Variants in FCHO2 observed in about 807,000 individuals in gnomAD.
The protein encoded by FCHO2 is FCH and mu domain containing endocytic adaptor 2, also known as F-BAR domain only protein 2.
FCHO2 carries 43 observed loss-of-function variants against 114.1 expected under a neutral mutation model. The ratio of observed to expected loss-of-function variants is 0.38; its 90% confidence interval spans 0.30 to 0.49. The LOEUF is 0.49. Among genes scored for constraint, FCHO2 ranks in the 20% least tolerant of loss-of-function variants. The pLI is 0.97. For missense variants in FCHO2, 807 were observed against 950.4 expected (o/e 0.85, Z 1.98); for synonymous variants, 293 against 315.2 (o/e 0.93, Z 0.75).
intron 11 of FCHO2, among the ~76,000 whole-genome samples, chr5:73,045,971 A>G (rs1757032882): frequency 6.6e-6 from 1 of 152,052 alleles, no homozygotes; most frequent in African/African-American, 2.4e-5. Flanking sequence ...TTGTGACTTT[A>G]TAGAGTTTTT....
chr5:73,072,226 A>T (rs62362208), intron 19 of FCHO2, among the ~76,000 whole-genome samples: 17,885 of 152,042 alleles, frequency 0.12, 1,266 homozygotes, highest in Non-Finnish European at 0.17. Flanking sequence ...TTAAGAGAGT[A>T]TAATTTTAAT....
intron 11 of FCHO2, among the ~76,000 whole-genome samples, chr5:73,049,180 T>C (rs890915075): frequency 2.0e-5 from 3 of 152,186 alleles, no homozygotes; most frequent in Non-Finnish European, 2.9e-5. Flanking sequence ...CCGGCCTGAA[T>C]TTGCTATCTT....
Position 72,994,571 on chromosome 5 carries a change from T to C in FCHO2, c.495+3707T>C, listed in dbSNP as rs1753977637. Among the ~76,000 whole-genome samples, 4 of 152,306 alleles carry C rather than the reference T, an allele frequency of 2.6e-5. 1 individual carries two copies. In the South Asian group the frequency reaches 6.2e-4, roughly 24 times the overall value. Reference sequence around the variant, plus strand: ...TTCAGCCATTGTGGAAAGCAGTGTGTGGCGATTCTTCAAAGAGCTAAAAAC... The same window carrying C: ...TTCAGCCATTGTGGAAAGCAGTGTGCGGCGATTCTTCAAAGAGCTAAAAAC... On this transcript the variant is annotated intron_variant, in intron 5 of 25. Coordinates refer to ENST00000430046, the MANE Select transcript of FCHO2 (RefSeq NM_138782.3).
intron 20 of FCHO2, among the ~76,000 whole-genome samples, chr5:73,076,176 G>A (rs1443672194): frequency 6.6e-6 from 1 of 152,126 alleles, no homozygotes; most frequent in African/African-American, 2.4e-5. Context: ...TGTATCTGAT[G>A]CTGCTTGACA....
intron 11 of FCHO2, among the ~76,000 whole-genome samples, chr5:73,048,612 C>G (rs1468975430): frequency 6.6e-6 from 1 of 152,110 alleles, no homozygotes; most frequent in Non-Finnish European, 1.5e-5. Flanking sequence ...CTAATAATTA[C>G]AGGTTATAAA....
chr5:73,020,910 A>T, intron 8 of FCHO2: 1 of 1,323,918 alleles, frequency 7.6e-7, no homozygotes, highest in Middle Eastern at 2.4e-4. Context: ...TATCATCTTT[A>T]TCGAAATCAT....
Position 73,043,922 on chromosome 5 carries a change from G to T in FCHO2, c.939+2607G>T, listed in dbSNP as rs76815300. 6.9e-3 allele frequency among the ~76,000 whole-genome samples: 1,057 copies of T among 152,206 alleles called. 8 individuals carry two copies. The highest frequency in any genetic ancestry group is 0.025 in the African/African-American group (1,034 of 41,516). On this transcript the variant is annotated intron_variant, in intron 11 of 25. Transcript: ENST00000430046. Reference sequence around the variant, plus strand: ...TGATGTGACTTGGATTTGTGTCTCTGCCCAAATCTGTTGTCAAATTGTAAT... The same window carrying T: ...TGATGTGACTTGGATTTGTGTCTCTTCCCAAATCTGTTGTCAAATTGTAAT...
intron 8 of FCHO2, among the ~76,000 whole-genome samples, chr5:73,022,123 A>G (rs2112761270): frequency 6.6e-6 from 1 of 152,342 alleles, no homozygotes; most frequent in African/African-American, 2.4e-5. Flanking sequence ...AACTAAGTGT[A>G]GATATGTTGA....
chr5:73,065,287 T>C (rs1192228543), intron 18 of FCHO2, among the ~76,000 whole-genome samples: 1 of 148,994 alleles, frequency 6.7e-6, no homozygotes, highest in Non-Finnish European at 1.5e-5. Flanking sequence ...TTCTAATAAA[T>C]TGATTTTTTT....
At chr5:73,001,448 C>CAAAAAAAA (rs1215202339) in intron 5 of FCHO2, among the ~76,000 whole-genome samples, 3 of 65,528 alleles carry the variant, frequency 4.6e-5, no homozygotes, top group African/African-American at 1.3e-4. Context: ...GATCCTGTCT[C>CAAAAAAAA]AAAAAAAAAA....
At chr5:73,071,080 A>T (rs1002614584) in intron 19 of FCHO2, among the ~76,000 whole-genome samples, 1 of 152,032 alleles carries the variant, frequency 6.6e-6, no homozygotes, top group Non-Finnish European at 1.5e-5. Flanking sequence ...GCTAAGATTA[A>T]CTATTTCAGT....
At chr5:73,006,391 G>A (rs1186517032) in intron 5 of FCHO2, 54 bp from the exon 6 acceptor site, 10 of 1,080,764 alleles carry the variant, frequency 9.3e-6, no homozygotes, top group African/African-American at 1.7e-5. Context: ...CTTACATTAG[G>A]AAAGAAAAAA....
At chr5:73,054,625 G>T in intron 15 of FCHO2, 76 bp downstream of exon 15, 1 of 1,082,822 alleles carries the variant, frequency 9.2e-7, no homozygotes, top group Non-Finnish European at 1.3e-6. Flanking sequence ...TTTACCTTTA[G>T]CTGTAGAAAT....
chr5:73,059,376 T>C (rs571391229), intron 17 of FCHO2, among the ~76,000 whole-genome samples: 1 of 152,072 alleles, frequency 6.6e-6, no homozygotes, highest in Non-Finnish European at 1.5e-5. Flanking sequence ...TGTCCCTGTT[T>C]TATAGATGAA....
intron 5 of FCHO2, among the ~76,000 whole-genome samples, chr5:73,002,158 G>T (rs967727551): frequency 1.3e-5 from 2 of 152,104 alleles, no homozygotes; most frequent in Non-Finnish European, 2.9e-5. Flanking sequence ...GATTTATAGT[G>T]AGAATATCAT....
At chr5:72,983,327 C>T (rs1279727805) in intron 2 of FCHO2, among the ~76,000 whole-genome samples, 1 of 152,100 alleles carries the variant, frequency 6.6e-6, no homozygotes, top group Admixed American at 6.6e-5. Context: ...ATCTACATAT[C>T]TACATTAGGT....
At chr5:73,081,682 T>A in intron 22 of FCHO2, 101 bp from the exon 23 acceptor site, 1 of 790,268 alleles carries the variant, frequency 1.3e-6, no homozygotes, top group Admixed American at 3.7e-5. Flanking sequence ...TCATTAGATA[T>A]TTTTGATTTT....
At chr5:73,063,367 C>T (rs1350776212) in intron 17 of FCHO2, among the ~76,000 whole-genome samples, 3 of 135,994 alleles carry the variant, frequency 2.2e-5, no homozygotes, top group African/African-American at 8.1e-5. Context: ...CAAAATGTTA[C>T]AATGTGGTTC....
Position 73,088,112 on chromosome 5 carries a change from G to A in FCHO2, c.*22G>A. The A allele has an allele frequency of 1.2e-6, 2 of 1,612,700 alleles. No individual in the cohort carries two copies. Among genetic ancestry groups the A allele is most frequent in the Non-Finnish European group, 8.5e-7 (1 of 1,179,364 alleles). ...TTGATGGACCTGGGAAAGTGATGTG[G>A]CTTCAGGGATTACAAACCTGCCATT... On this transcript the variant is annotated 3_prime_UTR_variant, in exon 26 of 26. Coordinates refer to ENST00000430046, the MANE Select transcript of FCHO2 (RefSeq NM_138782.3).
Sources: gnomAD v4.1 joint callset for allele counts (sites outside exome capture counted in the v4.1 genomes callset) on GRCh38, gnomAD v4.1.1 for gene constraint, MANE v1.5 for transcripts, NCBI Gene and HGNC (gene_info 2026-07-23, HGNC 2026-07-21) for gene names.